CSMD1: variants seen among roughly 807,000 people sequenced by gnomAD.
CSMD1 encodes CUB and Sushi multiple domains 1, also known as CUB and sushi domain-containing protein 1.
In CSMD1, 213 loss-of-function variants were observed where a neutral mutation model predicts 417.5. The observed-to-expected ratio is 0.51, with a 90% CI of 0.46 to 0.57. CSMD1 has a LOEUF of 0.57. Ranked by LOEUF, CSMD1 falls within the 20% of genes least tolerant of loss-of-function variation. The pLI is 0.00. For synonymous variants in CSMD1, 2,862 were observed against 1,736.8 expected, an observed-to-expected ratio of 1.65 and a Z score of -16.11; for missense variants, 6,923 against 4,529.7, an observed-to-expected ratio of 1.53 and a Z score of -15.17.
At position 4,200,498 on chromosome 8, in the gene CSMD1, G is replaced by A. The variant is rs145519780; in HGVS notation, c.416-168399C>T. Among the ~76,000 whole-genome samples, 164 of 152,226 alleles carry A rather than the reference G, an allele frequency of 1.1e-3. 3 individuals carry two copies. The East Asian group carries it at 0.03, about 28-fold the overall frequency. On this transcript the variant is annotated intron_variant, in intron 3 of 69. Transcript: ENST00000635120. Reference sequence around the variant, plus strand: ...TTGAATCTCAGAGATAATCACTTAGGTAAAAAATGAGAAATTATTTAGAAA... The same window carrying A: ...TTGAATCTCAGAGATAATCACTTAGATAAAAAATGAGAAATTATTTAGAAA...
intron 7 of CSMD1, among the ~76,000 whole-genome samples, chr8:3,693,858 T>C (rs1237856168): frequency 2.0e-5 from 3 of 151,174 alleles, no homozygotes; most frequent in Admixed American, 2.0e-4. Flanking sequence ...GTATATTATG[T>C]GCTGTATGTG....
At chr8:3,116,217 A>G (rs1248491548) in intron 42 of CSMD1, among the ~76,000 whole-genome samples, 1 of 152,232 alleles carries the variant, frequency 6.6e-6, no homozygotes, top group Non-Finnish European at 1.5e-5. Flanking sequence ...TCCTTTATAT[A>G]GGTCCTCTAA....
intron 5 of CSMD1, among the ~76,000 whole-genome samples, chr8:3,789,651 C>A (rs575156596): frequency 6.6e-6 from 1 of 151,142 alleles, no homozygotes; most frequent in African/African-American, 2.4e-5. Context: ...TAGTGAAAAC[C>A]CAAAATTGCT....
intron 11 of CSMD1, among the ~76,000 whole-genome samples, chr8:3,471,525 GTTCC>G (rs769764863): frequency 1.8e-5 from 2 of 114,282 alleles, no homozygotes; most frequent in Admixed American, 9.1e-5. Flanking sequence ...TCCTTCCTTC[GTTCC>G]TTCCTTCCTT....
intron 2 of CSMD1, among the ~76,000 whole-genome samples, chr8:4,469,613 C>T (rs998060763): frequency 1.3e-5 from 2 of 152,102 alleles, no homozygotes; most frequent in African/African-American, 4.8e-5. Context: ...CTGTGTATTC[C>T]TGACATCCCT....
At chr8:4,094,803 C>T (rs1224936411) in intron 3 of CSMD1, among the ~76,000 whole-genome samples, 2 of 152,106 alleles carry the variant, frequency 1.3e-5, no homozygotes, top group East Asian at 3.9e-4. Context: ...ATAAACAGGC[C>T]TGCCAGGGAG....
chr8:3,477,177 T>C (rs570996117), intron 11 of CSMD1, among the ~76,000 whole-genome samples: 1 of 152,292 alleles, frequency 6.6e-6, no homozygotes, highest in African/African-American at 2.4e-5. Flanking sequence ...GCTGTCAAAA[T>C]ACAACACTAA....
rs528263829 is a variant in CSMD1, at chr8:3,943,838, G to A, written c.818+54065C>T. Among the ~76,000 whole-genome samples, 54 of 152,194 alleles carry A rather than the reference G, an allele frequency of 3.5e-4. 1 individual carries two copies. In the South Asian group the frequency reaches 0.011, roughly 31 times the overall value. On this transcript the variant is annotated intron_variant, in intron 5 of 69. Transcript: ENST00000635120. Reference sequence around the variant, plus strand: ...TCCAAAAGTGTAAAGGATATGGAAGGAAAAAATTGCCGTTTCCTATTTAGG... The same window carrying A: ...TCCAAAAGTGTAAAGGATATGGAAGAAAAAAATTGCCGTTTCCTATTTAGG...
At chr8:3,147,577 C>T (rs1818919192) in intron 40 of CSMD1, among the ~76,000 whole-genome samples, 1 of 152,212 alleles carries the variant, frequency 6.6e-6, no homozygotes, top group Admixed American at 6.5e-5. Context: ...TACATTGTAA[C>T]AGCACAACCG....
At chr8:3,109,745 A>G (rs1816379110) in intron 43 of CSMD1, among the ~76,000 whole-genome samples, 1 of 151,546 alleles carries the variant, frequency 6.6e-6, no homozygotes, top group Non-Finnish European at 1.5e-5. Flanking sequence ...ACCACACACA[A>G]CACGCACACA....
intron 2 of CSMD1, among the ~76,000 whole-genome samples, chr8:4,469,502 C>A (rs924842941): frequency 2.0e-5 from 3 of 152,138 alleles, no homozygotes; most frequent in Non-Finnish European, 4.4e-5. Flanking sequence ...TAGATTTTAC[C>A]TAGAACCAAA....
At chr8:3,903,045 C>G (rs1188379905) in intron 5 of CSMD1, among the ~76,000 whole-genome samples, 8 of 152,112 alleles carry the variant, frequency 5.3e-5, no homozygotes, top group Non-Finnish European at 1.0e-4. Flanking sequence ...TAGCGTGTAG[C>G]TGACCACCTG....
At chr8:4,586,624 C>A (rs780615216) in intron 2 of CSMD1, among the ~76,000 whole-genome samples, 3 of 152,142 alleles carry the variant, frequency 2.0e-5, no homozygotes, top group Non-Finnish European at 4.4e-5. Context: ...TGTTCCCTCT[C>A]AGTAATTTAT....
chr8:3,630,664 C>A (rs138653510), intron 7 of CSMD1, among the ~76,000 whole-genome samples: 1,758 of 152,016 alleles, frequency 0.012, 15 homozygotes, highest in South Asian at 0.018. Context: ...TCATTGCGTT[C>A]GAGAAAAAAT....
chr8:3,244,068 T>C (rs961855314), intron 26 of CSMD1, among the ~76,000 whole-genome samples: 1 of 152,140 alleles, frequency 6.6e-6, no homozygotes, highest in African/African-American at 2.4e-5. Flanking sequence ...GCAATACCAA[T>C]ATACAGAAGC....
At chr8:4,897,133 G>A (rs914796310) in intron 1 of CSMD1, among the ~76,000 whole-genome samples, 5 of 151,932 alleles carry the variant, frequency 3.3e-5, no homozygotes, top group African/African-American at 1.2e-4. Context: ...GAATTTATGA[G>A]CAAGGCAGGT....
intron 2 of CSMD1, among the ~76,000 whole-genome samples, chr8:4,479,816 T>C (rs1383023640): frequency 6.6e-6 from 1 of 151,598 alleles, no homozygotes; most frequent in Non-Finnish European, 1.5e-5. Context: ...ACACAAAAAT[T>C]AGCCAGGCGT....
chr8:2,999,995 T>C lies in CSMD1; in HGVS notation c.8166A>G (p.Gln2722=), dbSNP rs1343754256. The C allele has an allele frequency of 1.2e-6, 2 of 1,609,780 alleles. No individual in the cohort carries two copies. Among genetic ancestry groups the C allele is most frequent in the African/African-American group, 2.7e-5 (2 of 73,888 alleles). Residue 2722 remains glutamine (Q), a synonymous_variant, in exon 53 of 70, where the codon CAA becomes CAG. Coordinates refer to ENST00000635120, the MANE Select transcript of CSMD1 (RefSeq NM_033225.6). Reference sequence around the variant, plus strand: ...GCGTTTGTCCAGACCACTTGTGGTCTTGCAGGCATATCCTCACGGAAGTTC... The same window carrying C: ...GCGTTTGTCCAGACCACTTGTGGTCCTGCAGGCATATCCTCACGGAAGTTC... ...LVGTSVRICL[Q]DHKWSGQTPV... is the part of the protein sequence containing the mutation.
chr8:3,100,641 G>C (rs1010457672), intron 46 of CSMD1, among the ~76,000 whole-genome samples: 1 of 152,154 alleles, frequency 6.6e-6, no homozygotes, highest in Non-Finnish European at 1.5e-5. Flanking sequence ...CCTGCGCCTC[G>C]AGTTATGATC....
Sources: allele counts gnomAD v4.1 joint callset (sites outside exome capture counted in the v4.1 genomes callset), GRCh38; gene constraint gnomAD v4.1.1; transcripts MANE v1.5; gene names NCBI Gene and HGNC (gene_info 2026-07-23, HGNC 2026-07-21).